Variants in SCD5 observed in about 807,000 individuals in gnomAD.
The protein encoded by SCD5 is stearoyl-CoA desaturase 5.
SCD5 carries 20 observed loss-of-function variants against 30.4 expected under a neutral mutation model. The observed-to-expected ratio is 0.66, with a 90% confidence interval of 0.46 to 0.96. The LOEUF (loss-of-function observed/expected upper bound fraction) is 0.96. SCD5 is among the 40% of genes least tolerant of loss of function. The probability of loss-of-function intolerance (pLI) is 0.00; values close to 1 mark genes in which losing one functional copy is unlikely to be tolerated. For synonymous variants in SCD5, 173 were observed against 176.4 expected, an observed-to-expected ratio of 0.98 and a Z score of 0.16; for missense variants, 381 against 443.3, an observed-to-expected ratio of 0.86 and a Z score of 1.26.
intron 3 of SCD5, among the ~76,000 whole-genome samples, chr4:82,678,430 G>A (rs115254900): frequency 0.012 from 1,755 of 152,214 alleles, 10 homozygotes; most frequent in Non-Finnish European, 0.017. Context: ...GAGAAACCCA[G>A]ACTATTATAC....
chr4:82,661,814 A>G (rs1189213380), intron 3 of SCD5, among the ~76,000 whole-genome samples: 1 of 152,240 alleles, frequency 6.6e-6, no homozygotes. Context: ...GTCCTAGCGC[A>G]GAGAGCTGAA....
chr4:82,767,144 T>C (rs1721509608), intron 1 of SCD5, among the ~76,000 whole-genome samples: 1 of 152,156 alleles, frequency 6.6e-6, no homozygotes, highest in Non-Finnish European at 1.5e-5. Flanking sequence ...TTCCCTGACA[T>C]TGGGCAGTTT....
intron 1 of SCD5, among the ~76,000 whole-genome samples, chr4:82,759,648 TAAAA>T (rs70938309): frequency 3.2e-5 from 4 of 125,578 alleles, no homozygotes; most frequent in Admixed American, 8.0e-5. Flanking sequence ...AACCCCGTCT[TAAAA>T]AAAAAAAAAA....
chr4:82,738,325 G>A (rs1720797274), intron 1 of SCD5, among the ~76,000 whole-genome samples: 1 of 150,264 alleles, frequency 6.7e-6, no homozygotes, highest in Admixed American at 6.6e-5. Context: ...GGGAGACTGA[G>A]GCAGGAAAAT....
chr4:82,676,098 C>G (rs1728431049), intron 3 of SCD5, among the ~76,000 whole-genome samples: 2 of 152,228 alleles, frequency 1.3e-5, no homozygotes, highest in South Asian at 2.1e-4. Flanking sequence ...CAATGTGCTC[C>G]CTTCAGCCTC....
chr4:82,685,242 G>A (rs1728675654), intron 2 of SCD5, among the ~76,000 whole-genome samples: 3 of 152,176 alleles, frequency 2.0e-5, no homozygotes, highest in Admixed American at 2.0e-4. Flanking sequence ...GAACAAATCC[G>A]GAGTGTAGAG....
At position 82,705,339 on chromosome 4, in the gene SCD5, G is replaced by A. The variant is rs775338842; in HGVS notation, c.307C>T (p.Arg103Trp). The change falls in exon 2 of 5, where the codon CGG (arginine) becomes TGG (tryptophan). Residue 103 changes from arginine (R) to tryptophan (W), a missense_variant. Transcript: ENST00000319540. ...AATATCCTCAGAGGCAGCTTGGCCC[G>A]GTAGGACCTGTGGCTCCACAAGCGA... Reference protein sequence around the residue: ...AHRLWSHRSYRAKLPLRIFLA... With the variant: ...AHRLWSHRSYWAKLPLRIFLA... 9.3e-6 allele frequency: 15 copies of A among 1,614,230 alleles called. No homozygotes were observed. The East Asian group carries it at 1.1e-4, about 12-fold the overall frequency.
chr4:82,719,907 T>G (rs1251551946), intron 1 of SCD5, among the ~76,000 whole-genome samples: 2 of 151,554 alleles, frequency 1.3e-5, no homozygotes, highest in South Asian at 4.1e-4. Flanking sequence ...GTTTAAGCGA[T>G]TCTCATGCCT....
chr4:82,746,650 G>T (rs572439547), intron 1 of SCD5, among the ~76,000 whole-genome samples: 1 of 152,188 alleles, frequency 6.6e-6, no homozygotes, highest in African/African-American at 2.4e-5. Context: ...GACTGACAAG[G>T]TAAAGGCAAG....
chr4:82,660,474 A>C, intron 3 of SCD5: 11 of 962,346 alleles, frequency 1.1e-5, no homozygotes, highest in Non-Finnish European at 1.4e-5. Context: ...TTAGAACCTA[A>C]AGTTTTTATA....
chr4:82,640,704 G>A (rs1727524416), intron 3 of SCD5, among the ~76,000 whole-genome samples: 1 of 152,164 alleles, frequency 6.6e-6, no homozygotes, highest in African/African-American at 2.4e-5. Flanking sequence ...TTTAATAACA[G>A]TCACTGGCCT....
chr4:82,719,649 G>GC (rs1336315506), intron 1 of SCD5, among the ~76,000 whole-genome samples: 1 of 151,368 alleles, frequency 6.6e-6, no homozygotes, highest in Non-Finnish European at 1.5e-5. Flanking sequence ...GACTACAGGG[G>GC]CCCGCTACCA....
intron 2 of SCD5, among the ~76,000 whole-genome samples, chr4:82,702,150 T>TTTTTTTTG (rs1719861761): frequency 7.7e-6 from 1 of 129,358 alleles, no homozygotes; most frequent in Non-Finnish European, 1.6e-5. Flanking sequence ...TTTTTTTTTT[T>TTTTTTTTG]TTTTTTTTTT....
At chr4:82,750,847 C>T (rs1721087326) in intron 1 of SCD5, among the ~76,000 whole-genome samples, 1 of 152,210 alleles carries the variant, frequency 6.6e-6, no homozygotes, top group Admixed American at 6.5e-5. Flanking sequence ...CAGAGTTCCT[C>T]TAAACCTTGG....
At chr4:82,636,115 C>A (rs1486570131) in intron 4 of SCD5, among the ~76,000 whole-genome samples, 1 of 152,072 alleles carries the variant, frequency 6.6e-6, no homozygotes, top group Non-Finnish European at 1.5e-5. Flanking sequence ...CATTGCTAGT[C>A]CCATTTCACA....
chr4:82,775,705 A>G (rs1721729808), intron 1 of SCD5: 1 of 152,152 alleles, frequency 6.6e-6, no homozygotes, highest in Non-Finnish European at 1.5e-5. Flanking sequence ...AAAAATTTAA[A>G]AATTAGCCAG....
At position 82,798,597 on chromosome 4, in the gene SCD5, AG is replaced by A; in HGVS notation, c.-61del. ...GCAGGCAGGCGCTCTGCCCGAGCGG[AG>A]CTCGAGGGTGGGGGCGGGGGCTTCT... On this transcript the variant is annotated 5_prime_UTR_variant, in exon 1 of 5. Transcript: ENST00000319540. 7.0e-7 allele frequency: 1 copy of A among 1,431,636 alleles called. No homozygotes were observed. Among genetic ancestry groups the A allele is most frequent in the Non-Finnish European group, 9.3e-7 (1 of 1,073,028 alleles). 88.7% of individuals were successfully genotyped at this position (1,431,636 alleles called of 1,614,324 possible). A position where few individuals can be genotyped will look rare whatever the true frequency, so the allele number is the denominator to read the frequency against.
At chr4:82,712,803 C>T (rs954952993) in intron 1 of SCD5, among the ~76,000 whole-genome samples, 3 of 152,184 alleles carry the variant, frequency 2.0e-5, no homozygotes, top group African/African-American at 7.2e-5. Flanking sequence ...TCTACGGCTA[C>T]TTATCTCATG....
intron 3 of SCD5, among the ~76,000 whole-genome samples, chr4:82,662,791 C>T (rs1438698048): frequency 5.6e-5 from 8 of 143,162 alleles, no homozygotes; most frequent in Non-Finnish European, 1.0e-4. Context: ...ACCTGGGAGA[C>T]GGAGATTGCA....
Sources: gnomAD v4.1 joint callset for allele counts (sites outside exome capture counted in the v4.1 genomes callset) on GRCh38, gnomAD v4.1.1 for gene constraint, MANE v1.5 for transcripts, NCBI Gene and HGNC (gene_info 2026-07-23, HGNC 2026-07-21) for gene names.